The following DNAH8 variants were observed in gnomAD, a reference collection of about 807,000 sequenced individuals.
DNAH8 encodes dynein axonemal heavy chain 8, also known as axonemal beta dynein heavy chain 8.
In DNAH8, 382 loss-of-function variants were observed where a neutral mutation model predicts 562.1. The ratio of observed to expected loss-of-function variants is 0.68; its 90% CI spans 0.63 to 0.74. The LOEUF (loss-of-function observed/expected upper bound fraction) is 0.74. DNAH8 is among the 30% of genes least tolerant of loss of function. The pLI, the probability that DNAH8 is intolerant of heterozygous loss-of-function variation, is 0.00. For missense variants in DNAH8, 5,203 were observed against 5,620.4 expected, an observed-to-expected ratio of 0.93 and a Z score of 2.37; for synonymous variants, 1,881 against 1,919.4, an observed-to-expected ratio of 0.98 and a Z score of 0.52.
chr6:38,750,447 C>G, intron 8 of DNAH8, 29 bp from the exon 9 acceptor site: 2 of 1,499,596 alleles, frequency 1.3e-6, no homozygotes, highest in Non-Finnish European at 1.8e-6. Flanking sequence ...TTGGATGTTT[C>G]ATAGAATTCT....
In DNAH8 at chr6:38,814,425, A is replaced by G. The variant is rs180718027; in HGVS notation, c.3333+296A>G. Among the ~76,000 whole-genome samples the G allele has an allele frequency of 5.8e-4, 89 of 152,286 alleles. 1 individual carries two copies. Among genetic ancestry groups the G allele is most frequent in the Admixed American group, 4.9e-3 (75 of 15,300 alleles). Reference sequence around the variant, plus strand: ...GTGAAACCCCGTCTCCACTAAAAATACAAAAATTAGCCAGTTGTGGTGGTA... The same window carrying G: ...GTGAAACCCCGTCTCCACTAAAAATGCAAAAATTAGCCAGTTGTGGTGGTA... On this transcript the variant is annotated intron_variant, in intron 25 of 92. Transcript: ENST00000327475.
chr6:38,755,050 A>C (rs74332010), intron 9 of DNAH8, among the ~76,000 whole-genome samples: 3,366 of 152,158 alleles, frequency 0.022, 119 homozygotes, highest in African/African-American at 0.077. Flanking sequence ...GGTAGCATGT[A>C]CATTTTGTTT....
At chr6:39,025,742 A>C (rs564151480) in intron 91 of DNAH8, among the ~76,000 whole-genome samples, 2 of 152,166 alleles carry the variant, frequency 1.3e-5, no homozygotes, top group South Asian at 2.1e-4. Flanking sequence ...CACATTATAA[A>C]ATTTTACTCA....
Position 38,813,437 on chromosome 6 carries a change from G to A in DNAH8, c.3258-617G>A, listed in dbSNP as rs143229477. ...TCTGCTTGTATTTAGAAATGGAGGT[G>A]TAAGTTTTCAGTAATGACGGTATTT... On this transcript the variant is annotated intron_variant, in intron 24 of 92. Transcript: ENST00000327475. Among the ~76,000 whole-genome samples the A allele has an allele frequency of 2.0e-4, 31 of 152,108 alleles. 1 individual carries two copies. The East Asian group carries it at 4.7e-3, about 23-fold the overall frequency.
In DNAH8 at chr6:38,775,899, C is replaced by T. The variant is rs779850498; in HGVS notation, c.1910C>T (p.Thr637Ile). The change falls in exon 13 of 93, where the codon ACA becomes ATA. Residue 637 changes from threonine to isoleucine, a missense_variant. By Grantham distance (89) the Thr-to-Ile change is moderately conservative (BLOSUM62 -1). Transcript: ENST00000327475. ...KQYDILDPRR[T>I]EFDTDFLDFM... ...TATGACATTCTGGATCCAAGAAGGA[C>T]AGAATTTGACACAGATTTCTTAGAT... 2.9e-5 allele frequency: 46 copies of T among 1,613,020 alleles called. No homozygotes were observed. The highest frequency in any genetic ancestry group is 3.7e-5 in the Non-Finnish European group (44 of 1,179,264).
Position 38,795,874 on chromosome 6 carries a change from C to T in DNAH8, c.2901+4200C>T, listed in dbSNP as rs1156250062. On this transcript the variant is annotated intron_variant, in intron 21 of 92. Transcript: ENST00000327475. ...TTTGGGCCAAACTGTGGTTTCAGAT[C>T]GTATTTGGGAATCAGGGCTATTTGC... is the stretch of plus-strand genomic sequence containing the variant. Among the ~76,000 whole-genome samples the T allele has an allele frequency of 3.3e-5, 5 of 152,104 alleles. No individual in the cohort carries two copies. The South Asian group carries it at 8.3e-4, about 25-fold the overall frequency.
At chr6:38,782,274 T>A (rs1042093305) in intron 16 of DNAH8, among the ~76,000 whole-genome samples, 2 of 85,250 alleles carry the variant, frequency 2.3e-5, no homozygotes, top group African/African-American at 5.3e-5. Flanking sequence ...ATTTATTTTT[T>A]AAATATTTAT....
At chr6:38,936,817 G>A (rs893453260) in intron 77 of DNAH8, among the ~76,000 whole-genome samples, 11 of 152,156 alleles carry the variant, frequency 7.2e-5, no homozygotes, top group Non-Finnish European at 1.3e-4. Context: ...CAGCATACCC[G>A]TTGGAGTAAC....
At chr6:38,848,893 G>T in intron 37 of DNAH8, 92 bp downstream of exon 37, 1 of 1,287,512 alleles carries the variant, frequency 7.8e-7, no homozygotes, top group Non-Finnish European at 1.1e-6. Flanking sequence ...ATATGGTCAA[G>T]GCTTGACTAT....
intron 31 of DNAH8, among the ~76,000 whole-genome samples, chr6:38,833,710 T>A (rs1562940922): frequency 6.6e-6 from 1 of 152,204 alleles, no homozygotes; most frequent in Non-Finnish European, 1.5e-5. Context: ...GTGCTCACTC[T>A]GTAAAAGCCT....
At chr6:38,775,690 CT>C in intron 12 of DNAH8, 63 bp from the exon 13 acceptor site, 2 of 994,556 alleles carry the variant, frequency 2.0e-6, no homozygotes, top group Non-Finnish European at 3.0e-6. Flanking sequence ...TCATTAAGAG[CT>C]TATTTTAGGG....
rs751446301 is a variant in DNAH8 at position 38,864,046 on chromosome 6, A to G, written c.6484A>G (p.Ile2162Val). ...DCVDLNPEFG[I>V]FLTMNPGYAG... is the part of the protein sequence containing the mutation. ...TGTTGATTTAAATCCAGAATTTGGA[A>G]TCTTCTTAACGATGGTGAGAAAAAA... Residue 2162 changes from isoleucine to valine, a missense_variant, in exon 45 of 93, where the codon ATC becomes GTC. Physicochemically the swap from Ile to Val is conservative, Grantham distance 29. Coordinates refer to ENST00000327475, the MANE Select transcript of DNAH8 (RefSeq NM_001206927.2). 1.9e-6 allele frequency: 3 copies of G among 1,608,776 alleles called. No homozygotes were observed. Among genetic ancestry groups the G allele is most frequent in the South Asian group, 2.2e-5 (2 of 89,018 alleles).
intron 42 of DNAH8, among the ~76,000 whole-genome samples, chr6:38,858,835 G>A (rs1180911302): frequency 6.6e-6 from 1 of 152,198 alleles, no homozygotes; most frequent in Non-Finnish European, 1.5e-5. Context: ...AGAAGCACTA[G>A]TATGGAGTTC....
At chr6:38,922,031 C>T (rs1023237147) in intron 71 of DNAH8, among the ~76,000 whole-genome samples, 9 of 72,690 alleles carry the variant, frequency 1.2e-4, no homozygotes, top group African/African-American at 2.6e-4. Context: ...GTAATGTCAT[C>T]AGTTAAGGCA....
intron 53 of DNAH8, among the ~76,000 whole-genome samples, chr6:38,879,539 T>C (rs1778301992): frequency 6.6e-6 from 1 of 152,214 alleles, no homozygotes; most frequent in African/African-American, 2.4e-5. Flanking sequence ...TGACACTCTT[T>C]TGTGATGAAA....
rs773683890 is a variant in DNAH8, at chr6:38,770,499, T to C, written c.1704T>C (p.Phe568=). 8 of 1,608,550 alleles carry C rather than the reference T, an allele frequency of 5.0e-6. No individual in the cohort carries two copies. In the African/African-American group the frequency reaches 9.4e-5, roughly 19 times the overall value. ...CAGAATCCTCAGGGGAAAAATCTTTTGAGGTTTCAGAAATGTATATATTTG... is the reference window on the plus strand; with the variant it reads ...CAGAATCCTCAGGGGAAAAATCTTTCGAGGTTTCAGAAATGTATATATTTG... The part of the protein sequence containing the change: ...LISESSGEKS[F]EVSEMYIFGK... The change falls in exon 12 of 93, where the codon TTT becomes TTC. Residue 568 remains phenylalanine (F), a synonymous_variant. Coordinates refer to ENST00000327475, the MANE Select transcript of DNAH8 (RefSeq NM_001206927.2).
intron 88 of DNAH8, among the ~76,000 whole-genome samples, chr6:39,008,422 A>G (rs1330101050): frequency 1.3e-5 from 2 of 152,142 alleles, no homozygotes; most frequent in Admixed American, 6.6e-5. Context: ...TTGAGCCAAC[A>G]AGCTGTCCTA....
chr6:38,830,701 T>C (rs942031257), intron 30 of DNAH8, among the ~76,000 whole-genome samples: 2 of 151,588 alleles, frequency 1.3e-5, no homozygotes, highest in Non-Finnish European at 2.9e-5. Context: ...TACTGAATTT[T>C]ATAGAATATT....
At chr6:38,961,101 C>T (rs1762578635) in intron 82 of DNAH8, among the ~76,000 whole-genome samples, 1 of 151,972 alleles carries the variant, frequency 6.6e-6, no homozygotes, top group South Asian at 2.1e-4. Context: ...ACAAATACCA[C>T]ATGATCTCAC....
Sources: gnomAD v4.1 joint callset for allele counts (sites outside exome capture counted in the v4.1 genomes callset) on GRCh38, gnomAD v4.1.1 for gene constraint, MANE v1.5 for transcripts, NCBI Gene and HGNC (gene_info 2026-07-23, HGNC 2026-07-21) for gene names.